MBD1: variants seen among roughly 807,000 people sequenced by gnomAD.
The protein encoded by MBD1 is methyl-CpG binding domain protein 1.
In MBD1, 25 loss-of-function variants were observed where a neutral mutation model predicts 82.6. That is an observed-to-expected ratio of 0.30 (90% CI 0.22 to 0.42). MBD1 has a LOEUF of 0.42. MBD1 is among the 10% of genes least tolerant of loss of function. The pLI is 1.00. For missense variants in MBD1, 627 were observed against 819.6 expected, an observed-to-expected ratio of 0.76 and a Z score of 2.87; for synonymous variants, 301 against 303.7, an observed-to-expected ratio of 0.99 and a Z score of 0.09.
intron 6 of MBD1, 110 bp from the exon 7 acceptor site, chr18:50,276,091 T>A: frequency 7.4e-7 from 1 of 1,343,672 alleles, no homozygotes; most frequent in Non-Finnish European, 1.0e-6. Flanking sequence ...AGTCCCCCAT[T>A]AGCCTCATCA....
At position 50,275,032 on chromosome 18, in the gene MBD1, A is replaced by T. The variant is rs891299327; in HGVS notation, c.923T>A (p.Leu308Gln). Residue 308 changes from leucine (L) to glutamine (Q), a missense_variant, in exon 10 of 17, where the codon CTG (leucine) becomes CAG (glutamine). Leu to Gln is a moderately radical substitution (Grantham distance 113). Transcript: ENST00000269468. Reference sequence around the variant, plus strand: ...GAACTCGGCAGGTGGCGAGGGGGCCAGGGCTCTGGGGTGCTGTAGAGGCAA... The same window carrying T: ...GAACTCGGCAGGTGGCGAGGGGGCCTGGGCTCTGGGGTGCTGTAGAGGCAA... Reference protein sequence around the residue: ...PEPTEPHPRALAPSPPAEFIY... With the variant: ...PEPTEPHPRAQAPSPPAEFIY... 6.2e-7 allele frequency: 1 copy of T among 1,614,156 alleles called. No homozygotes were observed. Among genetic ancestry groups the T allele is most frequent in the Non-Finnish European group, 8.5e-7 (1 of 1,180,016 alleles).
chr18:50,270,343 G>A (rs1232905351), intron 16 of MBD1: 3 of 669,172 alleles, frequency 4.5e-6, no homozygotes, highest in Non-Finnish European at 8.2e-6. Flanking sequence ...CAAATTACAG[G>A]TCTAATCTTT....
rs764375971 is a variant in MBD1, at chr18:50,279,904, C to A, written c.89G>T (p.Arg30Leu). The A allele has an allele frequency of 1.2e-6, 2 of 1,613,980 alleles. No individual in the cohort carries two copies. Among genetic ancestry groups the A allele is most frequent in the Non-Finnish European group, 1.7e-6 (2 of 1,180,012 alleles). ...GTACCTCTGGTAATAGGTGTCTGAG[C>A]GTCCACAGGTGGCCCCTGACTTGCG... ...VFRKSGATCG[R>L]SDTYYQSPTG... Residue 30 changes from arginine (R) to leucine (L), a missense_variant, in exon 2 of 17, where the codon CGC becomes CTC. Coordinates refer to ENST00000269468, the MANE Select transcript of MBD1 (RefSeq NM_015846.4).
chr18:50,281,353 G>C lies in MBD1; in HGVS notation c.-26+10C>G. ...AGCGCTCTCCACGTCCAGCCCCAAGGCTGTCTCACCAGTTTGGCACCAGGC... is the reference window on the plus strand; with the variant it reads ...AGCGCTCTCCACGTCCAGCCCCAAGCCTGTCTCACCAGTTTGGCACCAGGC... On this transcript the variant is annotated intron_variant, in intron 1 of 16. Transcript: ENST00000269468. The C allele has an allele frequency of 1.1e-6, 1 of 901,292 alleles. No homozygotes were observed. Among genetic ancestry groups the C allele is most frequent in the African/African-American group, 1.6e-5 (1 of 61,176 alleles). The allele number at this position is 901,292 out of a possible 1,614,324, so 55.8% of individuals were successfully genotyped here.
rs759810015 is a variant in MBD1 at position 50,273,817 on chromosome 18, C to A, written c.1193G>T (p.Gly398Val). The A allele has an allele frequency of 1.2e-6, 2 of 1,613,630 alleles. No individual in the cohort carries two copies. Among genetic ancestry groups the A allele is most frequent in the Admixed American group, 1.7e-5 (1 of 60,036 alleles). Residue 398 changes from glycine to valine, a missense_variant, in exon 12 of 17, where the codon GGA (glycine) becomes GTA (valine). Transcript: ENST00000269468. ...TCGACGACGGTAAGGTGGGGGCGAT[C>A]CTGCCCCATCCTCAGACTCTGACCA... ...SVWSESEDGAGSPPPYRRRKR... is the reference protein window; with the variant it reads ...SVWSESEDGAVSPPPYRRRKR...
chr18:50,276,500 C>T (rs1288474561), intron 5 of MBD1, 82 bp from the exon 6 acceptor site: 1 of 1,499,794 alleles, frequency 6.7e-7, no homozygotes, highest in African/African-American at 1.4e-5. Context: ...GCCCTGACTT[C>T]CACTATTCAA....
downstream of MBD1, among the ~76,000 whole-genome samples, chr18:50,268,413 A>AC (rs1184116375): frequency 6.6e-6 from 1 of 152,186 alleles, no homozygotes; most frequent in Non-Finnish European, 1.5e-5. Flanking sequence ...CCGAAATTTA[A>AC]CCCCGGTTCG....
rs1165667502 is a variant in MBD1 at position 50,277,137 on chromosome 18, T to C, written c.178A>G (p.Thr60Ala). The C allele has an allele frequency of 1.2e-6, 2 of 1,614,074 alleles. No homozygotes were observed. The highest frequency in any genetic ancestry group is 8.5e-7 in the Non-Finnish European group (1 of 1,180,006). ...ATGCCTTGTTTGAAGTCGAAGAGGG[T>C]GAGATCACACGCAGGGCCCAGGTAT... The part of the protein sequence containing the change: ...TRYLGPACDL[T>A]LFDFKQGILC... Residue 60 changes from threonine to alanine, a missense_variant, in exon 3 of 17, where the codon ACC (threonine) becomes GCC (alanine). By Grantham distance (58) the Thr-to-Ala change is moderately conservative (BLOSUM62 0). Transcript: ENST00000269468.
chr18:50,272,234 C>T lies in MBD1; in HGVS notation c.1778+443G>A, dbSNP rs185615594. Reference sequence around the variant, plus strand: ...CTGCCCATACCACTGCCCAGGCAAGCCCAGCACCATTTCTCTGGTACACAT... The same window carrying T: ...CTGCCCATACCACTGCCCAGGCAAGTCCAGCACCATTTCTCTGGTACACAT... On this transcript the variant is annotated intron_variant, in intron 15 of 16. Transcript: ENST00000269468. Among the ~76,000 whole-genome samples, 16 of 152,252 alleles carry T rather than the reference C, an allele frequency of 1.1e-4. No homozygotes were observed. The East Asian group carries it at 2.5e-3, about 24-fold the overall frequency.
At chr18:50,273,022 C>A in intron 13 of MBD1, 67 bp from the exon 14 acceptor site, 1 of 1,588,532 alleles carries the variant, frequency 6.3e-7, no homozygotes, top group Middle Eastern at 1.9e-4. Flanking sequence ...TCTCTATCAG[C>A]CAACCCCTCA....
chr18:50,273,438 C>T lies in MBD1; in HGVS notation c.1480G>A (p.Ala494Thr). Residue 494 changes from alanine (A) to threonine (T), a missense_variant, in exon 13 of 17, where the codon GCC becomes ACC. By Grantham distance (58) the Ala-to-Thr change is moderately conservative. This residue lies in a region of MBD1 where 265 missense variants were observed against 278.4 expected (regional missense o/e 0.95). Coordinates refer to ENST00000269468, the MANE Select transcript of MBD1 (RefSeq NM_015846.4). ...TTCTCTTGCTTCACCTGGGGTAAGG[C>T]CACAACCCAACTCAGGCCAGAGCAC... ...AQCSGLSWVV[A>T]LPQVKQEKAD... is the part of the protein sequence containing the mutation. 6.2e-7 allele frequency: 1 copy of T among 1,614,196 alleles called. No individual in the cohort carries two copies. Among genetic ancestry groups the T allele is most frequent in the Non-Finnish European group, 8.5e-7 (1 of 1,180,044 alleles).
rs116701586 is a variant in MBD1 at position 50,273,600 on chromosome 18, C to G, written c.1410G>C (p.Pro470=). The change falls in exon 12 of 17, where the codon CCG becomes CCC. Residue 470 remains proline (P), a synonymous_variant. Coordinates refer to ENST00000269468, the MANE Select transcript of MBD1 (RefSeq NM_015846.4). ...CTTCTGTGGAAGCTGCAACAGGGCC[C>G]GGCACCTGCACAGGACTGCTTGCGC... ...REGASSPVQV[P]GPVAASTEAL... is the part of the protein sequence containing the mutation. 1 of 1,613,008 alleles carries G rather than the reference C, an allele frequency of 6.2e-7. No individual in the cohort carries two copies.
rs1400300136 is a variant in MBD1, at chr18:50,269,747, G to T, written c.*104C>A. The T allele has an allele frequency of 2.6e-6, 2 of 781,616 alleles. No individual in the cohort carries two copies. The highest frequency in any genetic ancestry group is 3.4e-5 in the Admixed American group (2 of 59,022). The allele number at this position is 781,616 out of a possible 1,614,324, so 48.4% of individuals were successfully genotyped here. ...TCCTCGTGGGTTCCAGCTCGTGCTC[G>T]TGGGCTCCACTGTGTCCTCGGTCTC... is the stretch of plus-strand genomic sequence containing the variant. On this transcript the variant is annotated 3_prime_UTR_variant, in exon 17 of 17. Coordinates refer to ENST00000269468, the MANE Select transcript of MBD1 (RefSeq NM_015846.4).
Position 50,269,796 on chromosome 18 carries a change from T to C in MBD1, c.*55A>G, listed in dbSNP as rs769853797. ...TCCCACACTTTACATCCATCTTCCC[T>C]TCCCGAGTGCCTGCCCTGCAGACTT... On this transcript the variant is annotated 3_prime_UTR_variant, in exon 17 of 17. Coordinates refer to ENST00000269468, the MANE Select transcript of MBD1 (RefSeq NM_015846.4). 3.8e-6 allele frequency: 3 copies of C among 787,316 alleles called. No homozygotes were observed. Among genetic ancestry groups the C allele is most frequent in the Non-Finnish European group, 7.1e-6 (3 of 423,976 alleles). The allele number at this position is 787,316 out of a possible 1,614,324, so 48.8% of individuals were successfully genotyped here.
chr18:50,276,220 C>T lies in MBD1; in HGVS notation c.516+158G>A. On this transcript the variant is annotated intron_variant, in intron 6 of 16. Transcript: ENST00000269468. ...ACTAATGGTAATGGGGATTAATTAC[C>T]CCATTAATTCCCATTATTGTGTCTG... The T allele has an allele frequency of 4.8e-6, 4 of 839,000 alleles. 1 individual carries two copies. The highest frequency in any genetic ancestry group is 2.9e-5 in the South Asian group (2 of 68,900). 52.0% of individuals were successfully genotyped at this position (839,000 alleles called of 1,614,324 possible). A position where few individuals can be genotyped will look rare whatever the true frequency, so the allele number is the denominator to read the frequency against.
intron 6 of MBD1, 135 bp from the exon 7 acceptor site, chr18:50,276,116 G>A (rs2037778743): frequency 1.7e-6 from 2 of 1,179,774 alleles, no homozygotes; most frequent in Admixed American, 2.0e-5. Context: ...ATCTGAGAAG[G>A]TCTGGTTAGT....
rs1362523016 is a variant in MBD1, at chr18:50,269,792, TC to T, written c.*58del. The stretch of plus-strand genomic sequence containing the variant: ...GGTCTCCCACACTTTACATCCATCT[TC>T]CCTTCCCGAGTGCCTGCCCTGCAGA... On this transcript the variant is annotated 3_prime_UTR_variant, in exon 17 of 17. Transcript: ENST00000269468. The T allele has an allele frequency of 2.5e-6, 2 of 785,916 alleles. No individual in the cohort carries two copies. The highest frequency in any genetic ancestry group is 3.4e-5 in the African/African-American group (2 of 59,190). The allele number at this position is 785,916 out of a possible 1,614,324, so 48.7% of individuals were successfully genotyped here.
At position 50,270,536 on chromosome 18, in the gene MBD1, T is replaced by C. The variant is rs553760266; in HGVS notation, c.*33-718A>G. 6.4e-4 allele frequency: 224 copies of C among 347,378 alleles called. 1 individual carries two copies. Among genetic ancestry groups the C allele is most frequent in the African/African-American group, 4.5e-3 (212 of 46,786 alleles). 21.5% of individuals were successfully genotyped at this position (347,378 alleles called of 1,614,324 possible). A position where few individuals can be genotyped will look rare whatever the true frequency, so the allele number is the denominator to read the frequency against. On this transcript the variant is annotated intron_variant, in intron 16 of 16. Transcript: ENST00000269468. ...CGTTGTCAGGAAAGATGAGCCAGGC[T>C]GGCAGCTTTAGTTACAAAGACTGCT...
In MBD1 at chr18:50,271,515, C is replaced by T. The variant is rs2035519600; in HGVS notation, c.1804G>A (p.Ala602Thr). ...PRSKDLKKPG[A>T]RKQ Reference sequence around the variant, plus strand: ...AAGCCTCCAGTCTACTGCTTTCTAGCTCCAGGTTTTTTAAGGTCTTTGGAC... The same window carrying T: ...AAGCCTCCAGTCTACTGCTTTCTAGTTCCAGGTTTTTTAAGGTCTTTGGAC... The change falls in exon 16 of 17, where the codon GCT (alanine) becomes ACT (threonine). Residue 602 changes from alanine to threonine, a missense_variant. Physicochemically the swap from Ala to Thr is moderately conservative, Grantham distance 58. This residue lies in a region of MBD1 where 265 missense variants were observed against 278.4 expected (regional missense o/e 0.95). Coordinates refer to ENST00000269468, the MANE Select transcript of MBD1 (RefSeq NM_015846.4). 1 of 1,614,174 alleles carries T rather than the reference C, an allele frequency of 6.2e-7. No individual in the cohort carries two copies.
Sources: gnomAD v4.1 joint callset for allele counts (sites outside exome capture counted in the v4.1 genomes callset) on GRCh38, gnomAD v4.1.1 for gene constraint, gnomAD v4.1.1 regional missense constraint, MANE v1.5 for transcripts, NCBI Gene and HGNC (gene_info 2026-07-23, HGNC 2026-07-21) for gene names.